HTR2C: variants seen among roughly 807,000 people sequenced by gnomAD.
HTR2C encodes the protein 5-hydroxytryptamine (serotonin) receptor 2C, G protein-coupled.
Under a neutral mutation model 21.0 loss-of-function variants are expected in HTR2C, and 5 were observed. The ratio of observed to expected loss-of-function variants is 0.24; its 90% CI spans 0.12 to 0.50. The LOEUF is 0.50. Ranked by LOEUF, HTR2C falls within the 20% of genes least tolerant of loss-of-function variation. HTR2C has a pLI of 0.98. For synonymous variants in HTR2C, 150 were observed against 145.3 expected (o/e 1.03, Z -0.23); for missense variants, 271 against 371.2 (o/e 0.73, Z 2.22).
chrX:114,857,220 G>A (rs185800647), intron 5 of HTR2C, among the ~76,000 whole-genome samples: 2 of 110,719 alleles, frequency 1.8e-5, no homozygotes, highest in South Asian at 7.5e-4. Context: ...CCTTCCAATT[G>A]CTTATATACT....
chrX:114,825,701 G>A (rs2070672359), intron 4 of HTR2C, among the ~76,000 whole-genome samples: 1 of 111,746 alleles, frequency 8.9e-6, no homozygotes, highest in African/African-American at 3.2e-5. Flanking sequence ...TCAATTAACT[G>A]AGGAAGGGGT....
intron 5 of HTR2C, among the ~76,000 whole-genome samples, chrX:114,876,427 T>C (rs782195370): frequency 1.1e-5 from 1 of 94,529 alleles, no homozygotes; most frequent in East Asian, 3.3e-4. Context: ...TCTTTCTTTT[T>C]TTTTTTTTTT....
At chrX:114,600,270 C>A (rs782295721) in intron 1 of HTR2C, among the ~76,000 whole-genome samples, 1 of 112,180 alleles carries the variant, frequency 8.9e-6, no homozygotes, top group African/African-American at 3.2e-5. Context: ...TTCCATAGTA[C>A]CTTGATTAAC....
intron 4 of HTR2C, among the ~76,000 whole-genome samples, chrX:114,809,886 C>T (rs2070515096): frequency 9.0e-6 from 1 of 111,531 alleles, no homozygotes; most frequent in Non-Finnish European, 1.9e-5. Flanking sequence ...TGCTGGGTCA[C>T]ATCTGAAGCC....
chrX:114,631,982 G>A (rs1208586934), intron 2 of HTR2C, among the ~76,000 whole-genome samples: 2 of 111,883 alleles, frequency 1.8e-5, no homozygotes, highest in African/African-American at 6.5e-5. Flanking sequence ...AGTACTTACT[G>A]CAGCACCTAT....
intron 4 of HTR2C, among the ~76,000 whole-genome samples, chrX:114,806,713 TAG>T (rs1162011400): frequency 2.1e-5 from 2 of 94,689 alleles, no homozygotes; most frequent in African/African-American, 3.9e-5. Flanking sequence ...ACACACCATA[TAG>T]ATATATACAC....
chrX:114,741,026 T>C (rs1480891334), intron 4 of HTR2C, among the ~76,000 whole-genome samples: 1 of 111,231 alleles, frequency 9.0e-6, no homozygotes, highest in African/African-American at 3.3e-5. Flanking sequence ...TGTAAATTCA[T>C]AGTGGTAGTA....
rs2286061 is a variant in HTR2C at position 114,727,107 on chromosome X, C to G, written c.35+136C>G. ...CATAAATGGCTTGCTTCCCAAAAGA[C>G]TAATATTATGGGTGTTTCCTATTCA... is the stretch of plus-strand genomic sequence containing the variant. On this transcript the variant is annotated intron_variant, in intron 3 of 5. Coordinates refer to ENST00000276198, the MANE Select transcript of HTR2C (RefSeq NM_000868.4). 4.1e-3 allele frequency: 1,564 copies of G among 380,643 alleles called. 32 individuals carry two copies. In the Admixed American group the frequency reaches 0.073, roughly 18 times the overall value. The allele number at this position is 380,643 out of a possible 1,213,427, so 31.4% of individuals were successfully genotyped here.
At chrX:114,747,302 G>C (rs1178292027) in intron 4 of HTR2C, among the ~76,000 whole-genome samples, 9 of 112,537 alleles carry the variant, frequency 8.0e-5, no homozygotes, top group African/African-American at 2.3e-4. Flanking sequence ...AAGATTGAAT[G>C]ACTTCACCTG....
chrX:114,729,803 C>T (rs2069518210), intron 3 of HTR2C, among the ~76,000 whole-genome samples: 1 of 111,113 alleles, frequency 9.0e-6, no homozygotes, highest in Non-Finnish European at 1.9e-5. Flanking sequence ...CATAAAAATA[C>T]ATAATATGGA....
rs782805623 is a variant in HTR2C, at chrX:114,605,133, G to A, written c.-146-8682G>A. Among the ~76,000 whole-genome samples, 924 of 111,137 alleles carry A rather than the reference G, an allele frequency of 8.3e-3. 11 individuals are homozygous for A. Among genetic ancestry groups the A allele is most frequent in the African/African-American group, 0.029 (861 of 30,167 alleles). ...ATATTTGATGAAAAAGAGCCTAAAC[G>A]CTATCTGATTTGGGATAAAGAAAAA... On this transcript the variant is annotated intron_variant, in intron 1 of 5. Coordinates refer to ENST00000276198, the MANE Select transcript of HTR2C (RefSeq NM_000868.4).
intron 2 of HTR2C, among the ~76,000 whole-genome samples, chrX:114,661,317 C>T (rs1468710421): frequency 9.1e-6 from 1 of 110,364 alleles, no homozygotes; most frequent in African/African-American, 3.3e-5. Flanking sequence ...TGGTGGGCGC[C>T]TCTAGTCCCA....
chrX:114,765,150 T>C (rs1556434403), intron 4 of HTR2C, among the ~76,000 whole-genome samples: 1 of 109,116 alleles, frequency 9.2e-6, no homozygotes, highest in East Asian at 2.9e-4. Flanking sequence ...ATGCTGAGAA[T>C]ACAATCATGA....
At chrX:114,630,052 G>C (rs1929547805) in intron 2 of HTR2C, among the ~76,000 whole-genome samples, 1 of 111,507 alleles carries the variant, frequency 9.0e-6, no homozygotes, top group South Asian at 3.7e-4. Flanking sequence ...AAAAAAAGAG[G>C]TACATCAAAT....
At chrX:114,650,659 A>T (rs781808731) in intron 2 of HTR2C, among the ~76,000 whole-genome samples, 10 of 112,223 alleles carry the variant, frequency 8.9e-5, no homozygotes, top group African/African-American at 3.2e-4. Context: ...ATTACTGTAT[A>T]CAATTTTCTT....
chrX:114,859,611 A>G (rs1334047015), intron 5 of HTR2C, among the ~76,000 whole-genome samples: 1 of 110,672 alleles, frequency 9.0e-6, no homozygotes, highest in Non-Finnish European at 1.9e-5. Flanking sequence ...CTAAGAGTTT[A>G]TAATTTTTTT....
intron 4 of HTR2C, among the ~76,000 whole-genome samples, chrX:114,847,144 C>A (rs1223301249): frequency 1.8e-5 from 2 of 109,945 alleles, no homozygotes; most frequent in Non-Finnish European, 3.8e-5. Context: ...GAAGCCAGAC[C>A]CAAAAAGTCA....
intron 2 of HTR2C, among the ~76,000 whole-genome samples, chrX:114,703,042 G>A (rs2147311399): frequency 1.1e-5 from 1 of 92,894 alleles, no homozygotes; most frequent in East Asian, 3.7e-4. Context: ...CAATACAGGA[G>A]CACCCGGATT....
chrX:114,891,798 T>A (rs1189534649), intron 5 of HTR2C, among the ~76,000 whole-genome samples: 8 of 111,397 alleles, frequency 7.2e-5, no homozygotes, highest in African/African-American at 1.3e-4. Flanking sequence ...TGTTTTTTTT[T>A]ATAAGAATAT....
Sources: gnomAD v4.1 joint callset for allele counts (sites outside exome capture counted in the v4.1 genomes callset) on GRCh38, gnomAD v4.1.1 for gene constraint, MANE v1.5 for transcripts, NCBI Gene and HGNC (gene_info 2026-07-23, HGNC 2026-07-21) for gene names.